The following C1GALT1 variants were observed in gnomAD, a reference collection of about 807,000 sequenced individuals.
C1GALT1 encodes the protein glycoprotein-N-acetylgalactosamine 3-beta-galactosyltransferase 1.
In C1GALT1, 11 loss-of-function variants were observed where a neutral mutation model predicts 31.0. The observed-to-expected ratio is 0.36, with a 90% CI of 0.22 to 0.59. The LOEUF (loss-of-function observed/expected upper bound fraction) is 0.59. C1GALT1 is among the 20% of genes least tolerant of loss of function. The pLI is 0.79. For synonymous variants in C1GALT1, 175 were observed against 143.6 expected, an observed-to-expected ratio of 1.22 and a Z score of -1.56; for missense variants, 424 against 425.2, an observed-to-expected ratio of 1.00 and a Z score of 0.03.
chr7:7,192,659 G>T (rs1187193324), intron 1 of C1GALT1, among the ~76,000 whole-genome samples: 2 of 151,850 alleles, frequency 1.3e-5, no homozygotes, highest in Non-Finnish European at 2.9e-5. Flanking sequence ...TTTTTCTCTG[G>T]GTAGATACCC....
At chr7:7,179,393 T>G (rs1780544160), upstream of C1GALT1, among the ~76,000 whole-genome samples, 1 of 152,222 alleles carries the variant, frequency 6.6e-6, no homozygotes, top group African/African-American at 2.4e-5. Flanking sequence ...TTAATAAAAT[T>G]TAATACACGA....
intron 1 of C1GALT1, among the ~76,000 whole-genome samples, chr7:7,220,803 C>G (rs1483310143): frequency 6.6e-6 from 1 of 152,146 alleles, no homozygotes; most frequent in Admixed American, 6.5e-5. Flanking sequence ...TACAGGTGCG[C>G]CCAGCCCAAA....
chr7:7,192,826 G>T lies in C1GALT1; in HGVS notation c.-18+10006G>T, dbSNP rs184898278. 1.2e-3 allele frequency among the ~76,000 whole-genome samples: 177 copies of T among 151,990 alleles called. 3 individuals carry two copies. The highest frequency in any genetic ancestry group is 0.01 in the Admixed American group (155 of 15,258). On this transcript the variant is annotated intron_variant, in intron 1 of 3. Coordinates refer to ENST00000436587, the MANE Select transcript of C1GALT1 (RefSeq NM_020156.5). ...TTGATGCCAACATCTATTATTTTTTGATTTTTTGATTATGGCCATTCTTGC... is the reference window on the plus strand; with the variant it reads ...TTGATGCCAACATCTATTATTTTTTTATTTTTTGATTATGGCCATTCTTGC...
chr7:7,201,657 G>C (rs540990561), intron 1 of C1GALT1, among the ~76,000 whole-genome samples: 4 of 152,216 alleles, frequency 2.6e-5, no homozygotes, highest in East Asian at 1.9e-4. Context: ...CGAAAGGCCA[G>C]TGCCACTCCC....
At chr7:7,239,759 T>G (rs1783536992) in intron 3 of C1GALT1, among the ~76,000 whole-genome samples, 1 of 152,180 alleles carries the variant, frequency 6.6e-6, no homozygotes, top group Non-Finnish European at 1.5e-5. Context: ...TTACCAAATA[T>G]TAATCTTTTT....
intron 1 of C1GALT1, among the ~76,000 whole-genome samples, chr7:7,216,807 TCCG>T (rs1782265233): frequency 6.6e-6 from 1 of 152,274 alleles, no homozygotes; most frequent in African/African-American, 2.4e-5. Context: ...AGCATAAACT[TCCG>T]TTCTCAGAAG....
chr7:7,196,857 GTCT>G (rs1236207401), intron 1 of C1GALT1, among the ~76,000 whole-genome samples: 25 of 152,170 alleles, frequency 1.6e-4, no homozygotes, highest in Non-Finnish European at 1.5e-5. Flanking sequence ...CTGCATAAAT[GTCT>G]TCTTTTGAGA....
chr7:7,202,955 T>C lies in C1GALT1; in HGVS notation c.-18+20135T>C, dbSNP rs61472264. On this transcript the variant is annotated intron_variant, in intron 1 of 3. Transcript: ENST00000436587. ...ATCTTTCACTGTCTTGGTTAATTCC[T>C]AAGGTTTCTTTTTTTTGCTGTTGTA... Among the ~76,000 whole-genome samples the C allele has an allele frequency of 8.0e-3, 1,224 of 152,264 alleles. 18 individuals are homozygous for C. Among genetic ancestry groups the C allele is most frequent in the African/African-American group, 0.027 (1,139 of 41,572 alleles).
chr7:7,237,314 A>T (rs1783408460), intron 2 of C1GALT1, among the ~76,000 whole-genome samples: 1 of 152,188 alleles, frequency 6.6e-6, no homozygotes, highest in Admixed American at 6.5e-5. Context: ...CTGGCCTGAC[A>T]CTTTGTCAGC....
intron 1 of C1GALT1, among the ~76,000 whole-genome samples, chr7:7,224,854 G>A (rs1243870400): frequency 1.3e-5 from 2 of 152,078 alleles, no homozygotes; most frequent in Non-Finnish European, 2.9e-5. Flanking sequence ...GTGTATTTAA[G>A]CATAGTGTAT....
intron 1 of C1GALT1, among the ~76,000 whole-genome samples, chr7:7,190,005 C>T (rs1480749259): frequency 7.9e-5 from 12 of 151,858 alleles, no homozygotes; most frequent in Admixed American, 7.9e-4. Flanking sequence ...TCCATAGAGT[C>T]TTTATTTCAA....
At chr7:7,240,395 C>G (rs1216599724) in intron 3 of C1GALT1, among the ~76,000 whole-genome samples, 1 of 152,118 alleles carries the variant, frequency 6.6e-6, no homozygotes, top group Non-Finnish European at 1.5e-5. Context: ...TAAAAGGAAA[C>G]TTTTGATAGT....
chr7:7,215,286 C>G (rs1379998365), intron 1 of C1GALT1, among the ~76,000 whole-genome samples: 1 of 152,142 alleles, frequency 6.6e-6, no homozygotes, highest in Non-Finnish European at 1.5e-5. Context: ...ATGCAAAGCA[C>G]ACCAGATTGT....
chr7:7,216,271 G>T (rs1404411175), intron 1 of C1GALT1, among the ~76,000 whole-genome samples: 1 of 152,172 alleles, frequency 6.6e-6, no homozygotes, highest in Non-Finnish European at 1.5e-5. Context: ...CAGAGTGGAG[G>T]AGAAGACGGG....
intron 1 of C1GALT1, among the ~76,000 whole-genome samples, chr7:7,189,616 T>C (rs1368880226): frequency 6.6e-6 from 1 of 152,196 alleles, no homozygotes; most frequent in East Asian, 1.9e-4. Flanking sequence ...ACTTTTTGGT[T>C]CTTTTTGCTG....
chr7:7,178,949 G>A (rs1238142557), upstream of C1GALT1, among the ~76,000 whole-genome samples: 1 of 152,186 alleles, frequency 6.6e-6, no homozygotes, highest in African/African-American at 2.4e-5. Context: ...TTCTGTCTCA[G>A]GGTCTCTTTC....
At chr7:7,216,861 C>G (rs774801299) in intron 1 of C1GALT1, among the ~76,000 whole-genome samples, 4 of 152,196 alleles carry the variant, frequency 2.6e-5, no homozygotes, top group African/African-American at 9.7e-5. Context: ...TTAGAAATGA[C>G]CATGTGCTTC....
intron 1 of C1GALT1, among the ~76,000 whole-genome samples, chr7:7,214,736 C>T (rs1236436279): frequency 6.6e-6 from 1 of 152,176 alleles, no homozygotes; most frequent in Non-Finnish European, 1.5e-5. Flanking sequence ...CCTTGCCCAT[C>T]CCAGGGGTAG....
intron 1 of C1GALT1, among the ~76,000 whole-genome samples, chr7:7,192,049 A>C (rs1184677529): frequency 6.6e-6 from 1 of 152,072 alleles, no homozygotes; most frequent in African/African-American, 2.4e-5. Context: ...TGCCAAATAT[A>C]ATGTCATGAA....
Sources: allele counts gnomAD v4.1 joint callset (sites outside exome capture counted in the v4.1 genomes callset), GRCh38; gene constraint gnomAD v4.1.1; transcripts MANE v1.5; gene names NCBI Gene and HGNC (gene_info 2026-07-23, HGNC 2026-07-21).